Variants in DNAJC2 observed in about 807,000 individuals in gnomAD.
DNAJC2 encodes DnaJ heat shock protein family (Hsp40) member C2, also known as dnaJ homolog subfamily C member 2.
A neutral mutation model predicts 94.0 loss-of-function variants in DNAJC2; 32 were observed. The ratio of observed to expected loss-of-function variants is 0.34; its 90% confidence interval spans 0.26 to 0.46. The LOEUF is 0.46. Among genes scored for constraint, DNAJC2 ranks in the 20% least tolerant of loss-of-function variants. The pLI, the probability that DNAJC2 is intolerant of heterozygous loss-of-function variation, is 1.00. For synonymous variants in DNAJC2, 210 were observed against 229.7 expected, an observed-to-expected ratio of 0.91 and a Z score of 0.77; for missense variants, 550 against 719.5, an observed-to-expected ratio of 0.76 and a Z score of 2.69.
rs753874682 is a variant in DNAJC2, at chr7:103,344,572, G to A, written c.51C>T (p.His17=). 4.3e-6 allele frequency: 7 copies of A among 1,613,608 alleles called. No homozygotes were observed. In the Admixed American group the frequency reaches 6.7e-5, roughly 15 times the overall value. Residue 17 remains histidine (H), a synonymous_variant, in exon 1 of 17, where the codon CAC becomes CAT. Coordinates refer to ENST00000379263, the MANE Select transcript of DNAJC2 (RefSeq NM_014377.3). ...GTGGGCACTTACCAGAGGTCAGAGC[G>A]TGGGTGATGGCGGTGCCCCGGCCGT... ...AADGRGTAIT[H]ALTSASTLCQ...
chr7:103,339,604 G>T (rs1017743418), intron 2 of DNAJC2, among the ~76,000 whole-genome samples: 12 of 143,900 alleles, frequency 8.3e-5, no homozygotes, highest in African/African-American at 2.3e-4. Context: ...AAATCCAATG[G>T]TTTTTTTTTT....
chr7:103,343,745 T>A (rs1819483011), intron 1 of DNAJC2, among the ~76,000 whole-genome samples: 1 of 152,232 alleles, frequency 6.6e-6, no homozygotes, highest in Admixed American at 6.5e-5. Flanking sequence ...CAGGAGAGGA[T>A]TAAAACACTG....
At chr7:103,314,774 GATA>G (rs1255151903) in intron 15 of DNAJC2, 1 of 434,928 alleles carries the variant, frequency 2.3e-6, no homozygotes, top group East Asian at 1.6e-4. Flanking sequence ...GAAATTTTGG[GATA>G]ATAAGCAAGA....
Position 103,344,688 on chromosome 7 carries a change from C to A in DNAJC2, c.-66G>T. ...TCCCGGGCGGAGGGCGCTTAGGGTC[C>A]CCTCCAGCTCTACCTCTCACTCCGA... On this transcript the variant is annotated 5_prime_UTR_variant, in exon 1 of 17. Transcript: ENST00000379263. 2 of 1,535,500 alleles carry A rather than the reference C, an allele frequency of 1.3e-6. No individual in the cohort carries two copies. The highest frequency in any genetic ancestry group is 1.8e-6 in the Non-Finnish European group (2 of 1,123,480).
At chr7:103,338,009 G>A (rs527986370) in intron 2 of DNAJC2, among the ~76,000 whole-genome samples, 198 bp from the exon 3 acceptor site, 14 of 152,288 alleles carry the variant, frequency 9.2e-5, no homozygotes, top group African/African-American at 3.4e-4. Context: ...GTTCATGCCT[G>A]TAATCCTAGC....
chr7:103,326,706 T>A, intron 4 of DNAJC2, 22 bp from the exon 5 acceptor site: 1 of 1,593,954 alleles, frequency 6.3e-7, no homozygotes, highest in Non-Finnish European at 8.5e-7. Flanking sequence ...ATTGTTAAGA[T>A]CACATCACCA....
chr7:103,319,033 G>A (rs922091428), intron 12 of DNAJC2, among the ~76,000 whole-genome samples: 12 of 152,066 alleles, frequency 7.9e-5, no homozygotes, highest in Non-Finnish European at 1.6e-4. Flanking sequence ...CCAACACAGC[G>A]AAACCCTGTC....
In DNAJC2 at chr7:103,312,514, A is replaced by G; in HGVS notation, c.*55T>C. The G allele has an allele frequency of 7.6e-6, 12 of 1,584,240 alleles. No individual in the cohort carries two copies. Among genetic ancestry groups the G allele is most frequent in the Non-Finnish European group, 1.0e-5 (12 of 1,169,598 alleles). On this transcript the variant is annotated 3_prime_UTR_variant, in exon 17 of 17. Transcript: ENST00000379263. ...ACCATGAGTATAATTTTAAGAATGA[A>G]AATGTTTACAGTATTTTCAGTTTTA... is the stretch of plus-strand genomic sequence containing the variant.
At position 103,322,102 on chromosome 7, in the gene DNAJC2, A is replaced by T. The variant is rs770677068; in HGVS notation, c.934-21T>A. The T allele has an allele frequency of 1.9e-6, 3 of 1,580,096 alleles. No individual in the cohort carries two copies. The South Asian group carries it at 3.5e-5, about 19-fold the overall frequency. Reference sequence around the variant, plus strand: ...CTTTGCTTTAAAAAAAGGGAGTAAAATCATTTTAATAGGTACAGTAAAATT... The same window carrying T: ...CTTTGCTTTAAAAAAAGGGAGTAAATTCATTTTAATAGGTACAGTAAAATT... On this transcript the variant is annotated intron_variant, in intron 9 of 16. Transcript: ENST00000379263.
At chr7:103,340,587 G>A (rs1219306189) in intron 2 of DNAJC2, among the ~76,000 whole-genome samples, 1 of 152,156 alleles carries the variant, frequency 6.6e-6, no homozygotes, top group South Asian at 2.1e-4. Flanking sequence ...CAAGGGAAAT[G>A]AGGTACACAC....
rs1230296331 is a variant in DNAJC2, at chr7:103,341,924, C to T, written c.95G>A (p.Gly32Glu). 1 of 1,608,030 alleles carries T rather than the reference C, an allele frequency of 6.2e-7. No individual in the cohort carries two copies. Among genetic ancestry groups the T allele is most frequent in the African/African-American group, 1.3e-5 (1 of 74,680 alleles). Residue 32 changes from glycine to glutamate, a missense_variant, in exon 2 of 17, where the codon GGA becomes GAA. Around this residue, in one of 2 missense-constraint regions of DNAJC2, gnomAD observed 279 missense variants for 416.9 expected, o/e 0.67. Coordinates refer to ENST00000379263, the MANE Select transcript of DNAJC2 (RefSeq NM_014377.3). ...CTTAACAAAAGCTTCAAACCATCTT[C>T]CCACAGGTTCAACTTGACAGAGTGT... The part of the protein sequence containing the change: ...ASTLCQVEPV[G>E]RWFEAFVKRR...
At chr7:103,318,855 A>G (rs1382816754) in intron 12 of DNAJC2, among the ~76,000 whole-genome samples, 1 of 152,262 alleles carries the variant, frequency 6.6e-6, no homozygotes, top group Non-Finnish European at 1.5e-5. Flanking sequence ...ACCACAAATC[A>G]AACACTAAGT....
Position 103,319,712 on chromosome 7 carries a change from C to T in DNAJC2, c.1173-34G>A, listed in dbSNP as rs1268222283. ...AAAAAAAGAAGAAATGAAACTTTAT[C>T]CTAAGCTCAAGTGAAGACTTCAATA... On this transcript the variant is annotated intron_variant, in intron 11 of 16. Coordinates refer to ENST00000379263, the MANE Select transcript of DNAJC2 (RefSeq NM_014377.3). 3.1e-6 allele frequency: 5 copies of T among 1,613,982 alleles called. No individual in the cohort carries two copies. The South Asian group carries it at 5.5e-5, about 18-fold the overall frequency.
Position 103,322,028 on chromosome 7 carries a change from C to T in DNAJC2, c.987G>A (p.Glu329=). ...CCAGCAATGCTTGCTGTCTGACTTC[C>T]TCCTCTTCTTTCTCCTTAGCTAACC... is the stretch of plus-strand genomic sequence containing the variant. ...AARLAKEKEE[E]EVRQQALLAK... Residue 329 remains glutamate (E), a synonymous_variant, in exon 10 of 17, where the codon GAG becomes GAA. Coordinates refer to ENST00000379263, the MANE Select transcript of DNAJC2 (RefSeq NM_014377.3). 1 of 1,613,692 alleles carries T rather than the reference C, an allele frequency of 6.2e-7. No homozygotes were observed.
At chr7:103,313,355 T>TA (rs1381620759) in intron 15 of DNAJC2, 1 of 1,155,176 alleles carries the variant, frequency 8.7e-7, no homozygotes, top group African/African-American at 1.6e-5. Flanking sequence ...TTGTACTGTT[T>TA]ATCTCTTAAA....
intron 3 of DNAJC2, among the ~76,000 whole-genome samples, chr7:103,331,189 C>T (rs1030710546): frequency 6.6e-6 from 1 of 152,136 alleles, no homozygotes; most frequent in Non-Finnish European, 1.5e-5. Context: ...AACTCCTGAC[C>T]TCAAGTGATC....
intron 2 of DNAJC2, 53 bp from the exon 3 acceptor site, chr7:103,337,864 C>T: frequency 7.5e-7 from 1 of 1,329,920 alleles, no homozygotes; most frequent in South Asian, 1.2e-5. Context: ...CAATATATTC[C>T]ATCCCTTGTG....
chr7:103,340,695 T>C (rs899409579), intron 2 of DNAJC2, among the ~76,000 whole-genome samples: 2 of 152,240 alleles, frequency 1.3e-5, no homozygotes, highest in Non-Finnish European at 2.9e-5. Context: ...TTAACTATTA[T>C]ACAAGTACCT....
At chr7:103,335,030 C>T (rs899046572) in intron 3 of DNAJC2, among the ~76,000 whole-genome samples, 3 of 151,900 alleles carry the variant, frequency 2.0e-5, no homozygotes, top group Non-Finnish European at 2.9e-5. Flanking sequence ...GACGGGGTTT[C>T]GCCATGTTGG....
Sources: allele counts gnomAD v4.1 joint callset (sites outside exome capture counted in the v4.1 genomes callset), GRCh38; gene constraint gnomAD v4.1.1; regional missense constraint gnomAD v4.1.1; transcripts MANE v1.5; gene names NCBI Gene and HGNC (gene_info 2026-07-23, HGNC 2026-07-21).